The following SPIDR variants were observed in gnomAD, a reference collection of about 807,000 sequenced individuals.
SPIDR encodes DNA repair-scaffolding protein.
In SPIDR, 93 loss-of-function variants were observed where a neutral mutation model predicts 104.6. That is an observed-to-expected ratio of 0.89 (90% CI 0.75 to 1.06). The LOEUF (loss-of-function observed/expected upper bound fraction) is 1.06. Among genes scored for constraint, SPIDR ranks in the 50% least tolerant of loss-of-function variants. The pLI is 0.00. For synonymous variants in SPIDR, 431 were observed against 416.9 expected (o/e 1.03, Z -0.41); for missense variants, 1,154 against 1,111.2 (o/e 1.04, Z -0.55).
intron 10 of SPIDR, chr8:47,659,709 C>T: frequency 1.0e-6 from 1 of 984,260 alleles, no homozygotes; most frequent in Non-Finnish European, 1.2e-6. Context: ...CCTCTTCTGT[C>T]CCCATGCTCC....
chr8:47,735,111 G>GTGTGTGTGT (rs2086028657), intron 19 of SPIDR, among the ~76,000 whole-genome samples, 196 bp from the exon 20 acceptor site: 8 of 135,182 alleles, frequency 5.9e-5, no homozygotes, highest in African/African-American at 2.4e-4. Context: ...TGTGTGTGTG[G>GTGTGTGTGT]GTGTGTGTGT....
chr8:47,501,366 G>A (rs1182303071), intron 8 of SPIDR, among the ~76,000 whole-genome samples: 3 of 152,090 alleles, frequency 2.0e-5, no homozygotes, highest in Admixed American at 2.0e-4. Flanking sequence ...CACATCCCTT[G>A]TAAGTTGGAT....
Position 47,455,402 on chromosome 8 carries a change from A to AAC in SPIDR, c.1097+14870_1097+14871dup, listed in dbSNP as rs374471524. Among the ~76,000 whole-genome samples, 446 of 152,114 alleles carry AAC rather than the reference A, an allele frequency of 2.9e-3. 3 individuals are homozygous for AAC. The highest frequency in any genetic ancestry group is 9.9e-3 in the African/African-American group (412 of 41,510). ...GGAGAAAAGAAGCAAATTAAAATGA[A>AAC]ACACACACACAGACACACAAAAAAA... is the stretch of plus-strand genomic sequence containing the variant. On this transcript the variant is annotated intron_variant, in intron 8 of 19. Coordinates refer to ENST00000297423, the MANE Select transcript of SPIDR (RefSeq NM_001080394.4).
chr8:47,563,600 C>T (rs1346383350), intron 8 of SPIDR, among the ~76,000 whole-genome samples: 4 of 152,092 alleles, frequency 2.6e-5, no homozygotes, highest in Non-Finnish European at 4.4e-5. Context: ...CTGTCACATG[C>T]GAGGATAAGC....
chr8:47,659,323 A>G (rs192014136), intron 10 of SPIDR, among the ~76,000 whole-genome samples: 25 of 152,264 alleles, frequency 1.6e-4, no homozygotes, highest in Admixed American at 1.6e-3. Flanking sequence ...GCAAAGTAAG[A>G]TTGTTATTCC....
intron 1 of SPIDR, among the ~76,000 whole-genome samples, chr8:47,275,831 C>T (rs975639159): frequency 1.9e-4 from 29 of 151,766 alleles, no homozygotes; most frequent in African/African-American, 5.6e-4. Flanking sequence ...ATTTTCTGTG[C>T]GTGTGTTTTT....
At chr8:47,349,180 T>C (rs562738946) in intron 5 of SPIDR, among the ~76,000 whole-genome samples, 1 of 152,310 alleles carries the variant, frequency 6.6e-6, no homozygotes, top group Non-Finnish European at 1.5e-5. Flanking sequence ...TCCTGTCTCT[T>C]TGTTGGTTTT....
chr8:47,309,095 CTA>C (rs1182926014), intron 5 of SPIDR, among the ~76,000 whole-genome samples: 1 of 152,178 alleles, frequency 6.6e-6, no homozygotes, highest in Non-Finnish European at 1.5e-5. Flanking sequence ...TATAAGTTAC[CTA>C]TAGTTGAAAG....
At chr8:47,701,698 C>G in intron 12 of SPIDR, 23 bp from the exon 13 acceptor site, 1 of 1,610,708 alleles carries the variant, frequency 6.2e-7, no homozygotes, top group Non-Finnish European at 8.5e-7. Context: ...CATTCACCTT[C>G]TACCTTTGTC....
intron 5 of SPIDR, among the ~76,000 whole-genome samples, chr8:47,295,021 G>A (rs896153987): frequency 1.3e-5 from 2 of 151,970 alleles, no homozygotes; most frequent in Non-Finnish European, 2.9e-5. Context: ...CATTTTGGGT[G>A]GTTTCTGTTG....
chr8:47,646,946 A>G (rs1339268379), intron 10 of SPIDR, among the ~76,000 whole-genome samples: 1 of 152,232 alleles, frequency 6.6e-6, no homozygotes, highest in Non-Finnish European at 1.5e-5. Context: ...CTTTGACCCA[A>G]TACTCCCTAG....
At chr8:47,558,333 T>G (rs2091563489) in intron 8 of SPIDR, among the ~76,000 whole-genome samples, 1 of 152,286 alleles carries the variant, frequency 6.6e-6, no homozygotes, top group South Asian at 2.1e-4. Context: ...AAAATAAAAT[T>G]TGTTTTAAAA....
chr8:47,477,013 A>G (rs1373374907), intron 8 of SPIDR, among the ~76,000 whole-genome samples: 2 of 152,232 alleles, frequency 1.3e-5, no homozygotes, highest in Non-Finnish European at 1.5e-5. Context: ...ACAAGCTGCC[A>G]GAGTAACAGC....
At chr8:47,304,993 G>T (rs1472885718) in intron 5 of SPIDR, among the ~76,000 whole-genome samples, 3 of 152,330 alleles carry the variant, frequency 2.0e-5, no homozygotes, top group African/African-American at 4.8e-5. Flanking sequence ...ATGGGAAGGT[G>T]TAGGACAAAG....
intron 1 of SPIDR, among the ~76,000 whole-genome samples, chr8:47,275,656 C>G (rs1157054083): frequency 6.6e-6 from 1 of 151,966 alleles, no homozygotes; most frequent in Non-Finnish European, 1.5e-5. Context: ...ACAGTTATAA[C>G]TGGAAGATAA....
intron 1 of SPIDR, among the ~76,000 whole-genome samples, chr8:47,275,049 G>A (rs2036115063): frequency 6.6e-6 from 1 of 151,470 alleles, no homozygotes; most frequent in South Asian, 2.1e-4. Flanking sequence ...CACGAGGTCA[G>A]GAGATCGAGA....
In SPIDR at chr8:47,615,228, T is replaced by G. The variant is rs538158558; in HGVS notation, c.1544+16032T>G. On this transcript the variant is annotated intron_variant, in intron 10 of 19. Coordinates refer to ENST00000297423, the MANE Select transcript of SPIDR (RefSeq NM_001080394.4). ...GTGAGTCACTATGCCCAGCCAAGTT[T>G]TATGTTTGATGACACTCAAATTGTC... is the stretch of plus-strand genomic sequence containing the variant. Among the ~76,000 whole-genome samples, 3 of 152,128 alleles carry G rather than the reference T, an allele frequency of 2.0e-5. No individual in the cohort carries two copies. In the East Asian group the frequency reaches 5.8e-4, roughly 29 times the overall value.
chr8:47,295,672 A>G (rs2040712765), intron 5 of SPIDR, among the ~76,000 whole-genome samples: 1 of 152,120 alleles, frequency 6.6e-6, no homozygotes, highest in Non-Finnish European at 1.5e-5. Context: ...ATTGGTGTAT[A>G]TATACTATAT....
intron 8 of SPIDR, among the ~76,000 whole-genome samples, chr8:47,505,363 C>T (rs551106007): frequency 3.5e-4 from 53 of 152,200 alleles, no homozygotes; most frequent in Non-Finnish European, 6.5e-4. Flanking sequence ...GCCTCGCTGC[C>T]GCCTTGCAGC....
Sources: allele counts gnomAD v4.1 joint callset (sites outside exome capture counted in the v4.1 genomes callset), GRCh38; gene constraint gnomAD v4.1.1; transcripts MANE v1.5; gene names NCBI Gene and HGNC (gene_info 2026-07-23, HGNC 2026-07-21).